GJB7: variants seen among roughly 807,000 people sequenced by gnomAD.
GJB7 encodes the protein gap junction beta-7 protein.
For synonymous variants in GJB7, 87 were observed against 95.2 expected (o/e 0.91, Z 0.50); for missense variants, 253 against 256.8 (o/e 0.99, Z 0.10).
chr6:87,292,854 A>G (rs1182066160), intron 2 of GJB7, among the ~76,000 whole-genome samples: 1 of 152,188 alleles, frequency 6.6e-6, no homozygotes, highest in Non-Finnish European at 1.5e-5. Flanking sequence ...GGAGCTAGAG[A>G]TGAAACCCAT....
At position 87,311,853 on chromosome 6, in the gene GJB7, C is replaced by T. The variant is rs189732219; in HGVS notation, c.-28+11013G>A. ...GACACAGGTGGTCTCAGCTCTCAGT[C>T]CCATAGTTAAGTTCAGGCTGATGCA... On this transcript the variant is annotated intron_variant, in intron 2 of 2. Transcript: ENST00000525899. Among the ~76,000 whole-genome samples the T allele has an allele frequency of 2.9e-3, 443 of 152,246 alleles. 1 individual carries two copies. The highest frequency in any genetic ancestry group is 6.8e-3 in the Middle Eastern group (2 of 294).
intron 2 of GJB7, among the ~76,000 whole-genome samples, chr6:87,315,795 CA>C (rs1161194601): frequency 0.11 from 8,162 of 72,286 alleles, 169 homozygotes; most frequent in Middle Eastern, 0.18. Flanking sequence ...GACTCTATCT[CA>C]AAAAAAAAAA....
intron 2 of GJB7, among the ~76,000 whole-genome samples, chr6:87,310,433 T>C (rs1776499014): frequency 6.6e-6 from 1 of 152,108 alleles, no homozygotes; most frequent in South Asian, 2.1e-4. Context: ...TTGCAATACA[T>C]GTATCTGACA....
intron 1 of GJB7, among the ~76,000 whole-genome samples, chr6:87,327,804 C>G (rs1350241246): frequency 6.7e-6 from 1 of 148,436 alleles, no homozygotes; most frequent in Non-Finnish European, 1.5e-5. Flanking sequence ...GTTGGCCTGC[C>G]TTGCTAGATT....
chr6:87,301,123 T>A lies in GJB7; in HGVS notation c.-27-16184A>T, dbSNP rs2127902815. Among the ~76,000 whole-genome samples, 5 of 152,208 alleles carry A rather than the reference T, an allele frequency of 3.3e-5. 1 individual carries two copies. The South Asian group carries it at 1.0e-3, about 32-fold the overall frequency. ...ATGAGCGACAGAGAAGACGGGTGAT[T>A]TCTGCATTTCCAACTGAGGTACCGA... is the stretch of plus-strand genomic sequence containing the variant. On this transcript the variant is annotated intron_variant, in intron 2 of 2. Coordinates refer to ENST00000525899, the MANE Select transcript of GJB7 (RefSeq NM_198568.3).
chr6:87,323,667 T>G (rs1001685181), intron 1 of GJB7, among the ~76,000 whole-genome samples: 3 of 152,074 alleles, frequency 2.0e-5, no homozygotes, highest in African/African-American at 7.2e-5. Context: ...CTTAATCCAG[T>G]CTATCATTGT....
intron 2 of GJB7, among the ~76,000 whole-genome samples, chr6:87,301,170 C>T (rs776781859): frequency 6.6e-6 from 1 of 152,094 alleles, no homozygotes; most frequent in African/African-American, 2.4e-5. Flanking sequence ...TGGGGCTTGT[C>T]GGACAGTGGG....
chr6:87,316,695 A>G (rs1473276549), intron 2 of GJB7, among the ~76,000 whole-genome samples: 1 of 152,018 alleles, frequency 6.6e-6, no homozygotes, highest in Non-Finnish European at 1.5e-5. Flanking sequence ...TGTTTTGACC[A>G]TTTCTTCTCA....
chr6:87,312,199 A>G (rs973041836), intron 2 of GJB7, among the ~76,000 whole-genome samples: 3 of 152,104 alleles, frequency 2.0e-5, no homozygotes, highest in African/African-American at 7.2e-5. Flanking sequence ...CTTCAATTAA[A>G]CAAAAAGTTT....
chr6:87,289,825 C>G (rs1332625035), intron 2 of GJB7, among the ~76,000 whole-genome samples: 1 of 152,184 alleles, frequency 6.6e-6, no homozygotes, highest in African/African-American at 2.4e-5. Flanking sequence ...AAGCTGGCCT[C>G]TGGGAGGAAG....
intron 2 of GJB7, among the ~76,000 whole-genome samples, chr6:87,306,359 G>A (rs1198763735): frequency 6.6e-6 from 1 of 152,132 alleles, no homozygotes; most frequent in Non-Finnish European, 1.5e-5. Flanking sequence ...CAAAAAGTGG[G>A]CGAAGGACAT....
chr6:87,326,188 T>C (rs1311399832), intron 1 of GJB7, among the ~76,000 whole-genome samples: 2 of 152,232 alleles, frequency 1.3e-5, no homozygotes, highest in African/African-American at 4.8e-5. Flanking sequence ...TAGCGGTCTA[T>C]CAATTTTGTT....
intron 2 of GJB7, among the ~76,000 whole-genome samples, chr6:87,320,793 G>A (rs766934021): frequency 6.6e-6 from 1 of 152,208 alleles, no homozygotes; most frequent in Non-Finnish European, 1.5e-5. Flanking sequence ...GCCAGCTGGA[G>A]TTAAGGTAAG....
At chr6:87,313,877 C>G (rs1776545203) in intron 2 of GJB7, among the ~76,000 whole-genome samples, 1 of 152,148 alleles carries the variant, frequency 6.6e-6, no homozygotes, top group East Asian at 1.9e-4. Flanking sequence ...AGAATGGGAT[C>G]TTGTAATCTG....
intron 2 of GJB7, among the ~76,000 whole-genome samples, chr6:87,291,058 C>T (rs151130602): frequency 6.2e-4 from 95 of 152,230 alleles, no homozygotes; most frequent in African/African-American, 2.2e-3. Context: ...GAGTGGTAGA[C>T]GACAAACAAG....
At chr6:87,313,696 G>A (rs117954416) in intron 2 of GJB7, among the ~76,000 whole-genome samples, 1,948 of 152,272 alleles carry the variant, frequency 0.013, 18 homozygotes, top group South Asian at 0.041. Context: ...TAGAAACTAT[G>A]TAATAAAAAG....
intron 1 of GJB7, among the ~76,000 whole-genome samples, 188 bp from the exon 2 acceptor site, chr6:87,323,231 C>G (rs997677381): frequency 1.3e-5 from 2 of 152,152 alleles, no homozygotes; most frequent in South Asian, 4.2e-4. Context: ...AGAGACAGTA[C>G]TACATCCAAG....
chr6:87,306,574 A>G (rs9353477), intron 2 of GJB7, among the ~76,000 whole-genome samples: 143,707 of 151,748 alleles, frequency 0.95, 68,078 homozygotes, highest in South Asian at 0.98. Flanking sequence ...TACACTGTTG[A>G]TGGGACCGTA....
intron 2 of GJB7, among the ~76,000 whole-genome samples, chr6:87,304,680 C>G (rs1257621783): frequency 6.6e-6 from 1 of 152,156 alleles, no homozygotes; most frequent in Admixed American, 6.5e-5. Context: ...TTTTATGAGG[C>G]CAGCCCCATC....
Sources: allele counts gnomAD v4.1 joint callset (sites outside exome capture counted in the v4.1 genomes callset), GRCh38; gene constraint gnomAD v4.1.1; transcripts MANE v1.5; gene names NCBI Gene and HGNC (gene_info 2026-07-23, HGNC 2026-07-21).